UBE2W: variants seen among roughly 807,000 people sequenced by gnomAD.
UBE2W encodes the protein ubiquitin-conjugating enzyme E2 W.
Under a neutral mutation model 27.2 loss-of-function variants are expected in UBE2W, and 18 were observed. That is an observed-to-expected ratio of 0.66 (90% CI 0.46 to 0.98). UBE2W has a LOEUF of 0.98. Ranked by LOEUF, UBE2W falls within the 50% of genes least tolerant of loss-of-function variation. The pLI is 0.00. For missense variants in UBE2W, 90 were observed against 180.2 expected (o/e 0.50, Z 2.87); for synonymous variants, 53 against 57.2 (o/e 0.93, Z 0.33).
At chr8:73,813,429 AAGAGGACTG>A (rs1809257617) in intron 3 of UBE2W, among the ~76,000 whole-genome samples, 1 of 152,226 alleles carries the variant, frequency 6.6e-6, no homozygotes, top group Admixed American at 6.5e-5. Flanking sequence ...TGTGAAGTAG[AAGAGGACTG>A]AGATAAAAAT....
chr8:73,786,062 T>A (rs1807944810), downstream of UBE2W, among the ~76,000 whole-genome samples: 1 of 152,238 alleles, frequency 6.6e-6, no homozygotes, highest in African/African-American at 2.4e-5. Context: ...ACACAATAAT[T>A]ATCTGCTTAA....
chr8:73,809,841 A>T (rs1015956718), intron 4 of UBE2W, among the ~76,000 whole-genome samples: 1 of 152,202 alleles, frequency 6.6e-6, no homozygotes, highest in Non-Finnish European at 1.5e-5. Flanking sequence ...GGCCTTCTAA[A>T]GTGCTGGGAT....
At chr8:73,863,517 A>G (rs935811536) in intron 1 of UBE2W, among the ~76,000 whole-genome samples, 10 of 151,028 alleles carry the variant, frequency 6.6e-5, no homozygotes, top group Admixed American at 5.3e-4. Context: ...AGCATGGCAC[A>G]TGTATACATA....
chr8:73,849,509 T>G (rs1466981679), intron 1 of UBE2W, among the ~76,000 whole-genome samples: 1 of 31,296 alleles, frequency 3.2e-5, no homozygotes. Flanking sequence ...TGAAACTCCA[T>G]CTCAAAAAAA....
intron 5 of UBE2W, among the ~76,000 whole-genome samples, chr8:73,797,895 A>T (rs1295076577): frequency 6.6e-6 from 1 of 152,178 alleles, no homozygotes; most frequent in East Asian, 1.9e-4. Context: ...AAAATCTGAA[A>T]CTTTTTAAGT....
intron 1 of UBE2W, among the ~76,000 whole-genome samples, chr8:73,871,201 T>C (rs942881354): frequency 5.3e-5 from 8 of 152,134 alleles, no homozygotes; most frequent in Admixed American, 1.3e-4. Flanking sequence ...AGAAAATCAG[T>C]TGAATTCTGG....
intron 1 of UBE2W, among the ~76,000 whole-genome samples, chr8:73,846,875 C>G (rs1810826981): frequency 6.6e-6 from 1 of 152,050 alleles, no homozygotes; most frequent in African/African-American, 2.4e-5. Flanking sequence ...AAATCATTAA[C>G]ATAAAAAACT....
rs1586494473 is a variant in UBE2W at position 73,833,303 on chromosome 8, A to G, written c.16-2831T>C. ...AACCCTTTATGCAAAAAGCCTTTCAAAAATTTTATGCCTTGTGACGAGAAT... is the reference window on the plus strand; with the variant it reads ...AACCCTTTATGCAAAAAGCCTTTCAGAAATTTTATGCCTTGTGACGAGAAT... On this transcript the variant is annotated intron_variant, in intron 1 of 5. Transcript: ENST00000602593. Among the ~76,000 whole-genome samples the G allele has an allele frequency of 2.0e-5, 3 of 151,896 alleles. No individual in the cohort carries two copies. In the South Asian group the frequency reaches 6.2e-4, roughly 32 times the overall value.
At chr8:73,819,306 A>T (rs1236654076) in intron 3 of UBE2W, among the ~76,000 whole-genome samples, 1 of 152,204 alleles carries the variant, frequency 6.6e-6, no homozygotes, top group Non-Finnish European at 1.5e-5. Flanking sequence ...ACTCCATATA[A>T]GCAGGGTTTT....
chr8:73,813,083 C>CAAAAAAAAAAAAAAAA lies in UBE2W; in HGVS notation c.211-2470_211-2455dup, dbSNP rs56094830. On this transcript the variant is annotated intron_variant, in intron 3 of 5. Coordinates refer to ENST00000602593, the MANE Select transcript of UBE2W (RefSeq NM_018299.6). Reference sequence around the variant, plus strand: ...GAAGAATAGTGATCTGAAAGTGCCACAAAAAAAAAAAAAAAAAAAAAAAAA... The same window carrying CAAAAAAAAAAAAAAAA: ...GAAGAATAGTGATCTGAAAGTGCCACAAAAAAAAAAAAAAAAAAAAAAAAAAAAAAAAAAAAAAAAA... 9.4e-4 allele frequency among the ~76,000 whole-genome samples: 41 copies of CAAAAAAAAAAAAAAAA among 43,462 alleles called. 8 individuals carry two copies. Among genetic ancestry groups the CAAAAAAAAAAAAAAAA allele is most frequent in the Non-Finnish European group, 1.3e-3 (31 of 24,642 alleles). 28.5% of individuals were successfully genotyped at this position (43,462 alleles called of 152,430 possible). A position where few individuals can be genotyped will look rare whatever the true frequency, so the allele number is the denominator to read the frequency against.
rs367726396 is a variant in UBE2W at position 73,858,865 on chromosome 8, G to A, written c.15+19943C>T. ...TGAACCAACCTTCTCTATCATTAGGGGGGTTTTTGCGTGCGTGTGTGTGTG... is the reference window on the plus strand; with the variant it reads ...TGAACCAACCTTCTCTATCATTAGGAGGGTTTTTGCGTGCGTGTGTGTGTG... On this transcript the variant is annotated intron_variant, in intron 1 of 5. Transcript: ENST00000602593. Among the ~76,000 whole-genome samples the A allele has an allele frequency of 5.7e-5, 8 of 139,870 alleles. 1 individual carries two copies. Among genetic ancestry groups the A allele is most frequent in the East Asian group, 4.3e-4 (2 of 4,608 alleles). 91.8% of individuals were successfully genotyped at this position (139,870 alleles called of 152,430 possible). A position where few individuals can be genotyped will look rare whatever the true frequency, so the allele number is the denominator to read the frequency against.
chr8:73,814,305 T>C (rs1298978883), intron 3 of UBE2W, among the ~76,000 whole-genome samples: 2 of 152,194 alleles, frequency 1.3e-5, no homozygotes, highest in Admixed American at 6.5e-5. Flanking sequence ...ACAAAACAAC[T>C]GAACACAATA....
rs10568367 is a variant in UBE2W at position 73,866,268 on chromosome 8, T to TAAA, written c.15+12537_15+12539dup. Among the ~76,000 whole-genome samples the TAAA allele has an allele frequency of 1.6e-3, 67 of 42,308 alleles. 1 individual carries two copies. The highest frequency in any genetic ancestry group is 0.01 in the East Asian group (13 of 1,292). 27.8% of individuals were successfully genotyped at this position (42,308 alleles called of 152,430 possible). On this transcript the variant is annotated intron_variant, in intron 1 of 5. Transcript: ENST00000602593. ...CCTGGTGACAAAGCAAGACTTGGTC[T>TAAA]AAAAAAAAAAAAAAAAAAAAAAATA...
downstream of UBE2W, among the ~76,000 whole-genome samples, chr8:73,786,050 G>A (rs1002544696): frequency 5.3e-5 from 8 of 152,080 alleles, no homozygotes; most frequent in Admixed American, 1.3e-4. Context: ...CATATGAAAG[G>A]CACACAATAA....
chr8:73,850,603 T>C (rs1811030425), intron 1 of UBE2W, among the ~76,000 whole-genome samples: 1 of 151,534 alleles, frequency 6.6e-6, no homozygotes, highest in Admixed American at 6.6e-5. Flanking sequence ...ACCTAAAGTT[T>C]AAAAACAAAC....
intron 1 of UBE2W, chr8:73,870,232 A>G: frequency 6.4e-7 from 1 of 1,572,270 alleles, no homozygotes; most frequent in Non-Finnish European, 8.6e-7. Context: ...CTAATTCTCA[A>G]GTTTTGAAGA....
chr8:73,868,829 T>A (rs1586550048), intron 1 of UBE2W, among the ~76,000 whole-genome samples: 1 of 152,208 alleles, frequency 6.6e-6, no homozygotes, highest in Non-Finnish European at 1.5e-5. Flanking sequence ...AGAGTTACTG[T>A]ATGACCCATT....
At position 73,786,945 on chromosome 8, in the gene UBE2W, A is replaced by C; in HGVS notation, c.*7157T>G. On this transcript the variant is annotated 3_prime_UTR_variant, in exon 6 of 6. Coordinates refer to ENST00000602593, the MANE Select transcript of UBE2W (RefSeq NM_018299.6). ...TTTTAATGTTGAATTGGCTATCTGC[A>C]GGATACAGCCATCTATATTAGGATC... 7 of 985,468 alleles carry C rather than the reference A, an allele frequency of 7.1e-6. No homozygotes were observed. Among genetic ancestry groups the C allele is most frequent in the Non-Finnish European group, 8.4e-6 (7 of 829,930 alleles). The allele number at this position is 985,468 out of a possible 1,614,324, so 61.0% of individuals were successfully genotyped here.
intron 1 of UBE2W, among the ~76,000 whole-genome samples, chr8:73,875,556 G>C (rs1373044537): frequency 1.7e-5 from 2 of 116,782 alleles, no homozygotes; most frequent in Admixed American, 1.6e-4. Flanking sequence ...AAAAAATACA[G>C]TTCCTCTTAG....
Sources: allele counts gnomAD v4.1 joint callset (sites outside exome capture counted in the v4.1 genomes callset), GRCh38; gene constraint gnomAD v4.1.1; transcripts MANE v1.5; gene names NCBI Gene and HGNC (gene_info 2026-07-23, HGNC 2026-07-21).